The following BRAF variants were observed in gnomAD, a reference collection of about 807,000 sequenced individuals.
The protein encoded by BRAF is B-Raf proto-oncogene, serine/threonine kinase.
Under a neutral mutation model 104.6 loss-of-function variants are expected in BRAF, and 16 were observed. The ratio of observed to expected loss-of-function variants is 0.15; its 90% CI spans 0.10 to 0.23. The LOEUF is 0.23. BRAF is among the 10% of genes least tolerant of loss of function. BRAF has a pLI of 1.00. For synonymous variants in BRAF, 310 were observed against 341.6 expected (o/e 0.91, Z 1.02); for missense variants, 541 against 937.3 (o/e 0.58, Z 5.52).
intron 3 of BRAF, among the ~76,000 whole-genome samples, chr7:140,813,846 T>C (rs1430000569): frequency 1.3e-5 from 2 of 151,750 alleles, no homozygotes; most frequent in Non-Finnish European, 2.9e-5. Context: ...TGAAAATCCA[T>C]ACATGCGTGT....
At chr7:140,772,942 T>C (rs964806820) in intron 14 of BRAF, among the ~76,000 whole-genome samples, 1 of 152,184 alleles carries the variant, frequency 6.6e-6, no homozygotes, top group African/African-American at 2.4e-5. Context: ...AAAAGTTACA[T>C]TTAAATAATT....
the BRAF span, among the ~76,000 whole-genome samples, chr7:140,714,176 G>C: frequency 6.6e-6 from 1 of 152,178 alleles, no homozygotes; most frequent in African/African-American, 2.4e-5. Flanking sequence ...CATCGCTCAC[G>C]CTGGGAGCTG....
intron 7 of BRAF, among the ~76,000 whole-genome samples, chr7:140,795,240 A>G (rs1802384792): frequency 6.6e-6 from 1 of 152,224 alleles, no homozygotes; most frequent in Non-Finnish European, 1.5e-5. Flanking sequence ...ATCTCACCCT[A>G]AAATGAACCT....
chr7:140,748,050 C>T (rs1292682128), intron 17 of BRAF, among the ~76,000 whole-genome samples: 1 of 152,126 alleles, frequency 6.6e-6, no homozygotes, highest in Non-Finnish European at 1.5e-5. Flanking sequence ...GAAATGTAGC[C>T]ATTTTTAAAA....
intron 7 of BRAF, chr7:140,800,115 A>T: frequency 1.8e-6 from 1 of 545,312 alleles, no homozygotes; most frequent in Non-Finnish European, 3.2e-6. Flanking sequence ...CATGTCACTG[A>T]AGAGCAGAAG....
At chr7:140,782,187 G>T (rs919303112) in intron 11 of BRAF, among the ~76,000 whole-genome samples, 1 of 152,062 alleles carries the variant, frequency 6.6e-6, no homozygotes, top group African/African-American at 2.4e-5. Flanking sequence ...GTGATACTTT[G>T]CTCAGAAGGA....
At chr7:140,830,583 C>T (rs1289218439) in intron 3 of BRAF, among the ~76,000 whole-genome samples, 1 of 152,072 alleles carries the variant, frequency 6.6e-6, no homozygotes, top group Non-Finnish European at 1.5e-5. Context: ...TTGGTGGGTT[C>T]CTGAATGGAA....
chr7:140,734,479 T>G (rs1007813453), intron 19 of BRAF: 9 of 1,594,056 alleles, frequency 5.6e-6, no homozygotes, highest in African/African-American at 4.0e-5. Context: ...CACACAAGTG[T>G]TCTTTGGTTC....
At chr7:140,844,244 T>C (rs910635253) in intron 2 of BRAF, among the ~76,000 whole-genome samples, 2 of 151,584 alleles carry the variant, frequency 1.3e-5, no homozygotes, top group African/African-American at 2.4e-5. Context: ...AAAAAGAAAA[T>C]TAAAAAAAAA....
downstream of BRAF, among the ~76,000 whole-genome samples, chr7:140,718,903 G>A (rs1028251795): frequency 6.6e-6 from 1 of 152,180 alleles, no homozygotes; most frequent in African/African-American, 2.4e-5. Context: ...AAATGTTAGC[G>A]TGCGTGTGCT....
intron 13 of BRAF, 91 bp from the exon 13 acceptor site, chr7:140,777,179 G>T (rs750102920): frequency 5.2e-6 from 7 of 1,357,542 alleles, no homozygotes; most frequent in African/African-American, 1.5e-5. Context: ...TCGGTAAAAT[G>T]TTGTCAGAAA....
chr7:140,716,597 G>GT (rs1206984830), downstream of BRAF, among the ~76,000 whole-genome samples: 1 of 152,170 alleles, frequency 6.6e-6, no homozygotes, highest in Non-Finnish European at 1.5e-5. Flanking sequence ...CACATTTACA[G>GT]TATCTGTTCC....
At chr7:140,839,056 T>C (rs1264015071) in intron 2 of BRAF, among the ~76,000 whole-genome samples, 1 of 152,176 alleles carries the variant, frequency 6.6e-6, no homozygotes, top group Admixed American at 6.5e-5. Flanking sequence ...TTTTTTTTTT[T>C]ACAAAGCCAG....
intron 1 of BRAF, among the ~76,000 whole-genome samples, chr7:140,895,685 CT>C (rs1814803550): frequency 6.6e-6 from 1 of 152,176 alleles, no homozygotes; most frequent in African/African-American, 2.4e-5. Flanking sequence ...CAGGGTTTAA[CT>C]TTCTTTTGCT....
intron 3 of BRAF, among the ~76,000 whole-genome samples, chr7:140,813,430 A>G (rs1804494681): frequency 6.6e-6 from 1 of 152,254 alleles, no homozygotes; most frequent in African/African-American, 2.4e-5. Context: ...CTCATAATTA[A>G]GCAAGATCCA....
intron 19 of BRAF, chr7:140,734,226 T>C: frequency 8.7e-7 from 1 of 1,147,484 alleles, no homozygotes; most frequent in Admixed American, 4.2e-5. Flanking sequence ...CAGGCATAGG[T>C]AGGGTCTTCT....
intron 14 of BRAF, among the ~76,000 whole-genome samples, chr7:140,769,717 C>CT (rs1799659551): frequency 6.6e-6 from 1 of 151,916 alleles, no homozygotes; most frequent in African/African-American, 2.4e-5. Flanking sequence ...ATAAGTTTTT[C>CT]TTTTTTTAAA....
At chr7:140,733,259 C>G (rs1368058884) in intron 19 of BRAF, 1 of 152,178 alleles carries the variant, frequency 6.6e-6, no homozygotes, top group African/African-American at 2.4e-5. Context: ...TTAAAGTCTT[C>G]TCAATTTCCT....
chr7:140,869,454 G>A (rs971972918), intron 1 of BRAF, among the ~76,000 whole-genome samples: 2 of 152,164 alleles, frequency 1.3e-5, no homozygotes, highest in South Asian at 2.1e-4. Flanking sequence ...CCAACATGGC[G>A]AAACCCCGTC....
Sources: allele counts gnomAD v4.1 joint callset (sites outside exome capture counted in the v4.1 genomes callset), GRCh38; gene constraint gnomAD v4.1.1; transcripts MANE v1.5; gene names NCBI Gene and HGNC (gene_info 2026-07-23, HGNC 2026-07-21).